KIAA1671: variants seen among roughly 807,000 people sequenced by gnomAD.
KIAA1671 encodes uncharacterized protein KIAA1671.
KIAA1671 carries 52 observed loss-of-function variants against 131.2 expected under a neutral mutation model. The observed-to-expected ratio is 0.40, with a 90% CI of 0.32 to 0.50. The LOEUF (loss-of-function observed/expected upper bound fraction) is 0.50, where lower values mean the gene tolerates loss of function less well. KIAA1671 is among the 20% of genes least tolerant of loss of function. The pLI is 0.73. For synonymous variants in KIAA1671, 1,003 were observed against 961.6 expected (o/e 1.04, Z -0.80); for missense variants, 2,360 against 2,364.2 (o/e 1.00, Z 0.04).
At chr22:25,190,656 C>G (rs1401623329) in intron 11 of KIAA1671, 46 bp from the exon 12 acceptor site, 3 of 1,489,906 alleles carry the variant, frequency 2.0e-6, no homozygotes, top group African/African-American at 1.4e-5. Flanking sequence ...CGCAAGGAGC[C>G]CACAGTCTGG....
chr22:25,147,599 T>C (rs368531776), intron 6 of KIAA1671, among the ~76,000 whole-genome samples: 13 of 152,274 alleles, frequency 8.5e-5, no homozygotes, highest in African/African-American at 3.1e-4. Flanking sequence ...GAGGCCCTCA[T>C]CTCTTTGCTC....
At chr22:25,158,687 C>T (rs895125956) in intron 6 of KIAA1671, among the ~76,000 whole-genome samples, 3 of 152,162 alleles carry the variant, frequency 2.0e-5, no homozygotes, top group African/African-American at 7.2e-5. Flanking sequence ...TAACTTGAAG[C>T]CCAGCCACCT....
At chr22:25,049,796 G>A (rs755172223) in intron 6 of KIAA1671, 1 of 156,206 alleles carries the variant, frequency 6.4e-6, no homozygotes, top group Non-Finnish European at 1.4e-5. Context: ...ATAAAAGTGT[G>A]TGTGGGGCCC....
intron 6 of KIAA1671, among the ~76,000 whole-genome samples, chr22:25,138,915 C>T (rs1047932854): frequency 6.6e-6 from 1 of 152,126 alleles, no homozygotes; most frequent in Admixed American, 6.5e-5. Context: ...CCAGAGATCT[C>T]AGGAAGATGT....
chr22:24,983,479 AG>A (rs140157453), intron 1 of KIAA1671, among the ~76,000 whole-genome samples: 1,693 of 152,172 alleles, frequency 0.011, 38 homozygotes, highest in African/African-American at 0.039. Flanking sequence ...TACATCTACA[AG>A]GACCCTATTT....
chr22:24,962,680 C>A (rs1365607472), intron 1 of KIAA1671, among the ~76,000 whole-genome samples: 1 of 152,142 alleles, frequency 6.6e-6, no homozygotes, highest in Non-Finnish European at 1.5e-5. Context: ...TAGCTAGTAT[C>A]GTTAGGATTA....
chr22:25,037,346 T>C (rs1284188717), intron 4 of KIAA1671, among the ~76,000 whole-genome samples: 1 of 151,968 alleles, frequency 6.6e-6, no homozygotes, highest in South Asian at 2.1e-4. Flanking sequence ...TATGTGTATA[T>C]TGCAAAAAAA....
At chr22:25,096,308 T>C (rs1368496972) in intron 6 of KIAA1671, among the ~76,000 whole-genome samples, 2 of 152,148 alleles carry the variant, frequency 1.3e-5, no homozygotes, top group Admixed American at 1.3e-4. Context: ...GCAGTGGCAG[T>C]TACAGCCGCT....
intron 6 of KIAA1671, among the ~76,000 whole-genome samples, chr22:25,091,864 T>C (rs2145879011): frequency 6.6e-6 from 1 of 152,320 alleles, no homozygotes; most frequent in South Asian, 2.1e-4. Flanking sequence ...TCATCAGGGT[T>C]CATCTTCATC....
At chr22:25,037,489 A>G (rs1194043727) in intron 4 of KIAA1671, among the ~76,000 whole-genome samples, 1 of 152,188 alleles carries the variant, frequency 6.6e-6, no homozygotes, top group East Asian at 1.9e-4. Context: ...GCATTCCATC[A>G]TCTACAGTAG....
intron 6 of KIAA1671, among the ~76,000 whole-genome samples, chr22:25,085,500 G>A (rs1929654539): frequency 6.8e-6 from 1 of 146,312 alleles, no homozygotes; most frequent in Non-Finnish European, 1.5e-5. Flanking sequence ...GTGCTGAGGG[G>A]CCCCCACCTC....
intron 1 of KIAA1671, among the ~76,000 whole-genome samples, chr22:24,991,623 ATTT>A (rs34846801): frequency 1.6e-5 from 2 of 128,882 alleles, no homozygotes; most frequent in Admixed American, 7.9e-5. Flanking sequence ...CGCCCGGCTA[ATTT>A]TTTTTTTTTT....
At chr22:24,963,333 C>T (rs941705802) in intron 1 of KIAA1671, among the ~76,000 whole-genome samples, 1 of 140,806 alleles carries the variant, frequency 7.1e-6, no homozygotes, top group Non-Finnish European at 1.5e-5. Flanking sequence ...CACTGCACTC[C>T]AGCCTGGGCA....
intron 6 of KIAA1671, among the ~76,000 whole-genome samples, chr22:25,126,902 G>A (rs1202161249): frequency 6.6e-6 from 1 of 152,150 alleles, no homozygotes; most frequent in Non-Finnish European, 1.5e-5. Flanking sequence ...CTCCGTCCCT[G>A]CATTTGGGTT....
At chr22:25,111,090 C>G (rs561162218) in intron 6 of KIAA1671, 2 of 152,586 alleles carry the variant, frequency 1.3e-5, no homozygotes, top group Admixed American at 1.3e-4. Flanking sequence ...GAGAAATCAA[C>G]AGAGAAACAG....
intron 1 of KIAA1671, among the ~76,000 whole-genome samples, chr22:24,995,226 AT>A (rs1336271011): frequency 4.7e-5 from 7 of 149,716 alleles, no homozygotes; most frequent in African/African-American, 1.2e-4. Context: ...AATTTTTTGT[AT>A]TTTTTTAGTA....
At chr22:25,008,220 GGAAAA>G (rs1380660584) in intron 1 of KIAA1671, among the ~76,000 whole-genome samples, 1 of 127,998 alleles carries the variant, frequency 7.8e-6, no homozygotes, top group Non-Finnish European at 1.7e-5. Flanking sequence ...AAAAAAAAAA[GGAAAA>G]AGAAAAGTTG....
In KIAA1671 at chr22:24,973,833, A is replaced by C. The variant is rs576053656; in HGVS notation, c.-208+21061A>C. Reference sequence around the variant, plus strand: ...TTTCTGGCACATAGTAGGGACACTTAATAAATATTTGTCAAATGAATGACT... The same window carrying C: ...TTTCTGGCACATAGTAGGGACACTTCATAAATATTTGTCAAATGAATGACT... On this transcript the variant is annotated intron_variant, in intron 1 of 12. Coordinates refer to ENST00000358431, the MANE Select transcript of KIAA1671 (RefSeq NM_001145206.2). 4.4e-3 allele frequency among the ~76,000 whole-genome samples: 673 copies of C among 152,312 alleles called. 4 individuals carry two copies. Among genetic ancestry groups the C allele is most frequent in the African/African-American group, 0.016 (657 of 41,566 alleles).
chr22:25,042,467 T>TG (rs1926987246), intron 5 of KIAA1671, among the ~76,000 whole-genome samples: 2 of 144,912 alleles, frequency 1.4e-5, no homozygotes, highest in Admixed American at 1.4e-4. Flanking sequence ...TCCCTTGTTT[T>TG]TTTTTTTTTT....
Sources: gnomAD v4.1 joint callset for allele counts (sites outside exome capture counted in the v4.1 genomes callset) on GRCh38, gnomAD v4.1.1 for gene constraint, MANE v1.5 for transcripts, NCBI Gene and HGNC (gene_info 2026-07-23, HGNC 2026-07-21) for gene names.